The following ENTREP2 variants were observed in gnomAD, a reference collection of about 807,000 sequenced individuals.
ENTREP2 encodes the protein protein ENTREP2.
chr15:29,576,956 C>T, the ENTREP2 span, among the ~76,000 whole-genome samples: 1 of 151,752 alleles, frequency 6.6e-6, no homozygotes, highest in Non-Finnish European at 1.5e-5. Context: ...TACAGGCGCC[C>T]GCCACCGCAC....
chr15:29,539,793 A>G, the ENTREP2 span, among the ~76,000 whole-genome samples: 1 of 152,194 alleles, frequency 6.6e-6, no homozygotes, highest in East Asian at 1.9e-4. Flanking sequence ...AGCCAAGAAC[A>G]GTGCCCCACA....
chr15:29,402,614 G>A, the ENTREP2 span, among the ~76,000 whole-genome samples: 2 of 152,126 alleles, frequency 1.3e-5, no homozygotes, highest in Admixed American at 6.6e-5. Context: ...CCAGCCACAG[G>A]AGAATATTTA....
chr15:29,485,301 C>T, the ENTREP2 span, among the ~76,000 whole-genome samples: 1 of 152,144 alleles, frequency 6.6e-6, no homozygotes, highest in African/African-American at 2.4e-5. Context: ...AGTGCAGGAC[C>T]TGGCCCCTGT....
chr15:29,434,508 G>C, the ENTREP2 span, among the ~76,000 whole-genome samples: 1 of 152,056 alleles, frequency 6.6e-6, no homozygotes, highest in Non-Finnish European at 1.5e-5. Flanking sequence ...TCATAAATCA[G>C]ACTCAGAGTC....
chr15:29,468,938 AAC>A, the ENTREP2 span, among the ~76,000 whole-genome samples: 775 of 152,318 alleles, frequency 5.1e-3, 7 homozygotes, highest in African/African-American at 0.018. Context: ...ACGTTAAGGT[AAC>A]ACACACAAAA....
the ENTREP2 span, among the ~76,000 whole-genome samples, chr15:29,606,085 T>C: frequency 6.6e-6 from 1 of 152,272 alleles, no homozygotes; most frequent in South Asian, 2.1e-4. Flanking sequence ...TATACTTTAG[T>C]CCTACCTATT....
the ENTREP2 span, among the ~76,000 whole-genome samples, chr15:29,480,724 C>A: frequency 1.3e-5 from 2 of 152,112 alleles, no homozygotes; most frequent in African/African-American, 4.8e-5. Flanking sequence ...CAGAGCAAAC[C>A]TGGTGGACAC....
chr15:29,645,073 G>T, the ENTREP2 span, among the ~76,000 whole-genome samples: 1 of 152,076 alleles, frequency 6.6e-6, no homozygotes, highest in Non-Finnish European at 1.5e-5. Flanking sequence ...AATAAATTGA[G>T]TTCATTGGGA....
the ENTREP2 span, among the ~76,000 whole-genome samples, chr15:29,310,358 A>G: frequency 0.26 from 40,079 of 152,124 alleles, 5,556 homozygotes; most frequent in Non-Finnish European, 0.31. Flanking sequence ...CAACCAAGAA[A>G]GAAAGGGCCA....
At chr15:29,471,717 G>A in the ENTREP2 span, among the ~76,000 whole-genome samples, 1 of 152,212 alleles carries the variant, frequency 6.6e-6, no homozygotes, top group Admixed American at 6.5e-5. Flanking sequence ...GCACACCTCT[G>A]GTGCAAAGGC....
At chr15:29,338,264 G>A in the ENTREP2 span, among the ~76,000 whole-genome samples, 1 of 151,612 alleles carries the variant, frequency 6.6e-6, no homozygotes. Context: ...GGAGGGTGGT[G>A]ATGAGGTAGG....
the ENTREP2 span, among the ~76,000 whole-genome samples, chr15:29,535,266 A>G: frequency 6.6e-6 from 1 of 152,128 alleles, no homozygotes; most frequent in Non-Finnish European, 1.5e-5. Context: ...AAATAATAAT[A>G]AAAATAAAGT....
chr15:29,382,953 G>C, the ENTREP2 span, among the ~76,000 whole-genome samples: 21 of 152,264 alleles, frequency 1.4e-4, 1 homozygote, highest in South Asian at 4.4e-3. Flanking sequence ...ACCCGGCTGA[G>C]GGCTGAGGCT....
At chr15:29,393,810 T>C in the ENTREP2 span, among the ~76,000 whole-genome samples, 2 of 152,208 alleles carry the variant, frequency 1.3e-5, no homozygotes, top group African/African-American at 4.8e-5. Context: ...TAAAATTCTT[T>C]ATAAATTCCA....
At chr15:29,207,601 AGTGCATTTTACAGAGCGCTGATTG>A in the ENTREP2 span, among the ~76,000 whole-genome samples, 4 of 152,108 alleles carry the variant, frequency 2.6e-5, no homozygotes, top group African/African-American at 9.6e-5. Flanking sequence ...AGCGCTGATT[AGTGCATTTTACAGAGCGCTGATTG>A]GTGCATTTTA....
chr15:29,182,286 G>A, the ENTREP2 span, among the ~76,000 whole-genome samples: 36 of 151,678 alleles, frequency 2.4e-4, no homozygotes, highest in Non-Finnish European at 4.1e-4. Flanking sequence ...CACCGCACCC[G>A]GCTAATTTTT....
chr15:29,419,432 C>G, the ENTREP2 span, among the ~76,000 whole-genome samples: 1 of 151,692 alleles, frequency 6.6e-6, no homozygotes, highest in African/African-American at 2.4e-5. Context: ...AAACGAATAC[C>G]CAAACTAAAA....
the ENTREP2 span, among the ~76,000 whole-genome samples, chr15:29,589,155 T>C: frequency 6.6e-6 from 1 of 152,086 alleles, no homozygotes; most frequent in Non-Finnish European, 1.5e-5. Context: ...GCCAGGCACG[T>C]GGAGGAGATT....
chr15:29,197,412 G>A, the ENTREP2 span, among the ~76,000 whole-genome samples: 1 of 152,178 alleles, frequency 6.6e-6, no homozygotes, highest in Non-Finnish European at 1.5e-5. Context: ...GTAACATACT[G>A]AGACTCTGTC....
Sources: allele counts gnomAD v4.1 joint callset (sites outside exome capture counted in the v4.1 genomes callset), GRCh38; gene constraint gnomAD v4.1.1; transcripts MANE v1.5; gene names NCBI Gene and HGNC (gene_info 2026-07-23, HGNC 2026-07-21).